FGGY: variants seen among roughly 807,000 people sequenced by gnomAD.
FGGY encodes FGGY carbohydrate kinase domain-containing protein.
In FGGY, 72 loss-of-function variants were observed where a neutral mutation model predicts 71.3. The observed-to-expected ratio is 1.01, with a 90% CI of 0.84 to 1.23. The LOEUF (loss-of-function observed/expected upper bound fraction) is 1.23, where lower values mean the gene tolerates loss of function less well. FGGY is among the 50% of genes most tolerant of loss of function. The pLI is 0.00. For synonymous variants in FGGY, 251 were observed against 250.3 expected (o/e 1.00, Z -0.02); for missense variants, 668 against 682.3 (o/e 0.98, Z 0.23).
intron 5 of FGGY, among the ~76,000 whole-genome samples, chr1:59,412,432 A>G (rs1367919145): frequency 2.0e-5 from 3 of 152,200 alleles, no homozygotes; most frequent in African/African-American, 7.2e-5. Flanking sequence ...TGATACCACA[A>G]CTTCATCTTG....
chr1:59,611,149 G>T (rs2153820775), intron 9 of FGGY, among the ~76,000 whole-genome samples: 1 of 152,338 alleles, frequency 6.6e-6, no homozygotes, highest in East Asian at 1.9e-4. Flanking sequence ...CTGTCTGACA[G>T]CTTTGAAGAG....
At chr1:59,521,089 A>C (rs2094818374) in intron 7 of FGGY, among the ~76,000 whole-genome samples, 1 of 152,136 alleles carries the variant, frequency 6.6e-6, no homozygotes, top group Non-Finnish European at 1.5e-5. Context: ...TGGAAGGAGA[A>C]AACCGTGCCA....
Position 59,375,886 on chromosome 1 carries a change from T to G in FGGY, c.466-2863T>G, listed in dbSNP as rs958688480. On this transcript the variant is annotated intron_variant, in intron 4 of 15. Transcript: ENST00000303721. ...CACACAAGATCTAAAGTAGTTTTTTTTTTTTTTTTTTTTTGCCTGAATTTA... is the reference window on the plus strand; with the variant it reads ...CACACAAGATCTAAAGTAGTTTTTTGTTTTTTTTTTTTTTGCCTGAATTTA... 3.3e-5 allele frequency among the ~76,000 whole-genome samples: 5 copies of G among 151,062 alleles called. No individual in the cohort carries two copies. In the South Asian group the frequency reaches 1.1e-3, roughly 32 times the overall value.
At chr1:59,742,406 C>T (rs2098158471) in intron 14 of FGGY, among the ~76,000 whole-genome samples, 1 of 152,238 alleles carries the variant, frequency 6.6e-6, no homozygotes, top group Non-Finnish European at 1.5e-5. Flanking sequence ...CACGCTTCCA[C>T]TGACAACATA....
chr1:59,431,256 C>G (rs2067308990), intron 5 of FGGY, among the ~76,000 whole-genome samples: 1 of 152,194 alleles, frequency 6.6e-6, no homozygotes, highest in South Asian at 2.1e-4. Context: ...TAGTAACATC[C>G]CACTGCTGGC....
At chr1:59,598,485 T>C (rs778991795) in intron 8 of FGGY, among the ~76,000 whole-genome samples, 2 of 152,232 alleles carry the variant, frequency 1.3e-5, no homozygotes, top group Non-Finnish European at 2.9e-5. Context: ...ATTCAGGATA[T>C]TGCAGGCAAC....
intron 7 of FGGY, among the ~76,000 whole-genome samples, chr1:59,547,435 G>A (rs537234924): frequency 1.9e-4 from 29 of 152,274 alleles, no homozygotes; most frequent in Admixed American, 9.2e-4. Context: ...TGAACTCCAC[G>A]AGATAATGTA....
intron 14 of FGGY, among the ~76,000 whole-genome samples, chr1:59,711,728 A>G (rs1284949294): frequency 6.6e-6 from 1 of 152,188 alleles, no homozygotes; most frequent in African/African-American, 2.4e-5. Context: ...CATTTTTAAA[A>G]CCATCAGATC....
intron 11 of FGGY, 23 bp downstream of exon 11, chr1:59,638,398 AC>A (rs1407955048): frequency 2.5e-6 from 4 of 1,613,786 alleles, no homozygotes; most frequent in Non-Finnish European, 2.5e-6. Flanking sequence ...TAGTCCTTGC[AC>A]ATGGGTGAAG....
chr1:59,472,566 G>A (rs1269227799), intron 6 of FGGY, among the ~76,000 whole-genome samples: 4 of 152,272 alleles, frequency 2.6e-5, no homozygotes, highest in Non-Finnish European at 5.9e-5. Flanking sequence ...GTGGGGACAT[G>A]GAGAACCTTT....
intron 8 of FGGY, among the ~76,000 whole-genome samples, chr1:59,578,464 G>C (rs1304938259): frequency 6.6e-6 from 1 of 152,002 alleles, no homozygotes; most frequent in Non-Finnish European, 1.5e-5. Flanking sequence ...GTAGAAGGAG[G>C]AGAGAGAGAA....
chr1:59,493,132 A>ACACAC (rs1200996976), intron 6 of FGGY, among the ~76,000 whole-genome samples: 1 of 54,814 alleles, frequency 1.8e-5, no homozygotes, highest in African/African-American at 5.1e-5. Context: ...CACACACACA[A>ACACAC]AACAGAAAGT....
intron 9 of FGGY, among the ~76,000 whole-genome samples, chr1:59,624,211 C>A: frequency 6.6e-6 from 1 of 151,926 alleles, no homozygotes; most frequent in African/African-American, 2.4e-5. Context: ...TATTCAACAA[C>A]GTATACCTGG....
rs576522629 is a variant in FGGY, at chr1:59,308,208, C to T, written c.-15+11058C>T. Among the ~76,000 whole-genome samples, 138 of 152,186 alleles carry T rather than the reference C, an allele frequency of 9.1e-4. 1 individual carries two copies. The highest frequency in any genetic ancestry group is 7.4e-5 in the Non-Finnish European group (5 of 67,998). ...AATTACAGGAACTTAAAATGTATAG[C>T]ATGGAGAAAAGAAGACCCAACAGGA... On this transcript the variant is annotated intron_variant, in intron 1 of 15. Transcript: ENST00000303721.
chr1:59,592,104 C>T (rs2096453705), intron 8 of FGGY, among the ~76,000 whole-genome samples: 1 of 151,800 alleles, frequency 6.6e-6, no homozygotes, highest in African/African-American at 2.4e-5. Flanking sequence ...AAAAAGCAAC[C>T]CCATCAAAAA....
At chr1:59,491,947 A>G (rs1371030314) in intron 6 of FGGY, among the ~76,000 whole-genome samples, 1 of 152,150 alleles carries the variant, frequency 6.6e-6, no homozygotes, top group East Asian at 1.9e-4. Context: ...TATTGGAGTC[A>G]ATGAATTGGG....
At chr1:59,371,680 TA>T (rs1466207500) in intron 4 of FGGY, among the ~76,000 whole-genome samples, 3 of 152,250 alleles carry the variant, frequency 2.0e-5, no homozygotes, top group Middle Eastern at 3.4e-3. Context: ...TCAGCAAATG[TA>T]AAAGAACAGA....
intron 8 of FGGY, among the ~76,000 whole-genome samples, chr1:59,588,269 A>G (rs1364487616): frequency 1.3e-5 from 2 of 152,142 alleles, no homozygotes; most frequent in Non-Finnish European, 2.9e-5. Flanking sequence ...AAACGAACAA[A>G]GCCTCCAAGA....
chr1:59,723,161 C>A (rs1286258053), intron 14 of FGGY, among the ~76,000 whole-genome samples: 1 of 152,144 alleles, frequency 6.6e-6, no homozygotes, highest in Non-Finnish European at 1.5e-5. Flanking sequence ...TAAGTGTGCT[C>A]ATTGCTCTTG....
Sources: gnomAD v4.1 joint callset for allele counts (sites outside exome capture counted in the v4.1 genomes callset) on GRCh38, gnomAD v4.1.1 for gene constraint, MANE v1.5 for transcripts, NCBI Gene and HGNC (gene_info 2026-07-23, HGNC 2026-07-21) for gene names.